The following FAM20C variants were observed in gnomAD, a reference collection of about 807,000 sequenced individuals.
FAM20C encodes the protein FAM20C golgi associated secretory pathway kinase, also known as extracellular serine/threonine protein kinase FAM20C.
Under a neutral mutation model 51.5 loss-of-function variants are expected in FAM20C, and 40 were observed. That is an observed-to-expected ratio of 0.78 (90% CI 0.60 to 1.01). The LOEUF (loss-of-function observed/expected upper bound fraction) is 1.01. Ranked by LOEUF, FAM20C falls within the 50% of genes least tolerant of loss-of-function variation. FAM20C has a pLI of 0.00. For missense variants in FAM20C, 861 were observed against 844.7 expected (o/e 1.02, Z -0.24); for synonymous variants, 406 against 380.6 (o/e 1.07, Z -0.78).
intron 9 of FAM20C, 62 bp downstream of exon 9, chr7:258,767 G>C (rs923069771): frequency 1.4e-6 from 2 of 1,454,396 alleles, no homozygotes; most frequent in Non-Finnish European, 1.8e-6. Context: ...AGGAGACAGA[G>C]GAGGCCACAG....
intron 3 of FAM20C, among the ~76,000 whole-genome samples, chr7:233,484 C>A (rs1416936401): frequency 1.3e-5 from 2 of 152,182 alleles, no homozygotes; most frequent in African/African-American, 2.4e-5. Context: ...CACAAGCATC[C>A]TCTTCCCAGC....
intron 3 of FAM20C, chr7:228,881 C>A: frequency 2.2e-6 from 1 of 445,066 alleles, no homozygotes; most frequent in South Asian, 1.6e-5. Context: ...GGGTCCCACG[C>A]TGGGGATTCC....
intron 2 of FAM20C, among the ~76,000 whole-genome samples, chr7:208,461 C>T (rs1199089500): frequency 7.1e-6 from 1 of 140,644 alleles, no homozygotes; most frequent in Admixed American, 7.4e-5. Context: ...CCTGGCCGTC[C>T]CTTCTAGGAG....
intron 3 of FAM20C, among the ~76,000 whole-genome samples, chr7:212,515 C>T (rs1452484017): frequency 6.6e-6 from 1 of 152,180 alleles, no homozygotes; most frequent in Non-Finnish European, 1.5e-5. Flanking sequence ...CTCATCACGG[C>T]TCGGTGAGTT....
intron 3 of FAM20C, among the ~76,000 whole-genome samples, chr7:241,164 CTGGGGTCA>C (rs1787935978): frequency 6.6e-6 from 1 of 151,622 alleles, no homozygotes; most frequent in African/African-American, 2.4e-5. Context: ...CTTCCTCCTG[CTGGGGTCA>C]CCTGGGTCTG....
intron 3 of FAM20C, among the ~76,000 whole-genome samples, chr7:214,249 C>A (rs558522247): frequency 6.6e-6 from 1 of 151,704 alleles, no homozygotes; most frequent in African/African-American, 2.4e-5. Flanking sequence ...CGCTTGAACC[C>A]GGGAGGCGGA....
intron 3 of FAM20C, among the ~76,000 whole-genome samples, chr7:219,286 A>C (rs907126297): frequency 1.9e-4 from 29 of 152,006 alleles, no homozygotes; most frequent in Non-Finnish European, 3.7e-4. Context: ...CCCACCGTGA[A>C]TGTGCACAGT....
At chr7:250,071 G>A (rs1167027089) in intron 5 of FAM20C, among the ~76,000 whole-genome samples, 2 of 152,176 alleles carry the variant, frequency 1.3e-5, no homozygotes, top group African/African-American at 4.8e-5. Context: ...CCACTCTCCT[G>A]GCCCATCTGT....
intron 2 of FAM20C, among the ~76,000 whole-genome samples, chr7:204,928 C>T (rs962317407): frequency 5.9e-5 from 9 of 152,112 alleles, no homozygotes; most frequent in South Asian, 2.1e-4. Context: ...GGGGAGGGGA[C>T]GTGGCACTCT....
chr7:193,569 C>T lies in FAM20C; in HGVS notation c.370C>T (p.Arg124Trp), dbSNP rs1289342405. Residue 124 changes from arginine to tryptophan, a missense_variant, in exon 1 of 10, where the codon CGG (arginine) becomes TGG (tryptophan). Transcript: ENST00000313766. Reference protein sequence around the residue: ...AEPAERALRGRDPGALRPHDP... With the variant: ...AEPAERALRGWDPGALRPHDP... ...GCCGGCCGAGCGCGCCTTGCGGGGGCGGGATCCCGGCGCCCTAAGACCCCA... is the reference window on the plus strand; with the variant it reads ...GCCGGCCGAGCGCGCCTTGCGGGGGTGGGATCCCGGCGCCCTAAGACCCCA... The T allele has an allele frequency of 2.0e-6, 3 of 1,498,936 alleles. No homozygotes were observed. The highest frequency in any genetic ancestry group is 4.4e-5 in the Admixed American group (2 of 45,722). 92.9% of individuals were successfully genotyped at this position (1,498,936 alleles called of 1,614,324 possible).
At chr7:202,785 G>C (rs984948621) in intron 2 of FAM20C, among the ~76,000 whole-genome samples, 2 of 151,456 alleles carry the variant, frequency 1.3e-5, no homozygotes, top group Admixed American at 1.3e-4. Flanking sequence ...GAGAATGGGT[G>C]GCTGCTGGGT....
In FAM20C at chr7:257,046, G is replaced by C. The variant is rs1480298527; in HGVS notation, c.1405G>C (p.Gly469Arg). 5 of 1,537,010 alleles carry C rather than the reference G, an allele frequency of 3.3e-6. No homozygotes were observed. The highest frequency in any genetic ancestry group is 3.5e-6 in the Non-Finnish European group (4 of 1,146,898). ...CCACTACGAGACTTTTGAGAAGTTT[G>C]GGAATGAAACGTTCATCATCCACTT... ...RHHYETFEKF[G>R]NETFIIHLDN... The change falls in exon 8 of 10, where the codon GGG becomes CGG. Residue 469 changes from glycine to arginine, a missense_variant. This residue lies in a region of FAM20C where 269 missense variants were observed against 283.8 expected (regional missense o/e 0.95). Transcript: ENST00000313766.
intron 8 of FAM20C, among the ~76,000 whole-genome samples, chr7:258,132 G>C (rs1347434347): frequency 8.1e-6 from 1 of 123,806 alleles, no homozygotes; most frequent in African/African-American, 3.1e-5. Context: ...AGGCGGGGTG[G>C]ACCCACTGAC....
At chr7:199,442 G>A (rs1018445150) in intron 2 of FAM20C, among the ~76,000 whole-genome samples, 13 of 152,256 alleles carry the variant, frequency 8.5e-5, no homozygotes, top group Admixed American at 6.5e-4. Context: ...TAGCACCTGC[G>A]TGCTCCAGGC....
At chr7:200,547 C>T (rs1337704034) in intron 2 of FAM20C, among the ~76,000 whole-genome samples, 1 of 152,246 alleles carries the variant, frequency 6.6e-6, no homozygotes, top group Non-Finnish European at 1.5e-5. Context: ...GAGACAGCAG[C>T]CCCCTAGCTG....
chr7:253,148 C>T (rs1264864558), intron 5 of FAM20C, among the ~76,000 whole-genome samples: 3 of 152,206 alleles, frequency 2.0e-5, no homozygotes, highest in East Asian at 3.9e-4. Flanking sequence ...GCAGGAGACA[C>T]GTTTCCAGCG....
At chr7:237,348 C>T (rs1371947015) in intron 3 of FAM20C, among the ~76,000 whole-genome samples, 6 of 152,224 alleles carry the variant, frequency 3.9e-5, no homozygotes, top group African/African-American at 1.4e-4. Context: ...GATAGAAAAG[C>T]TCACATTTTA....
In FAM20C at chr7:193,577, C is replaced by T. The variant is rs1562357189; in HGVS notation, c.378C>T (p.Pro126=). 8 of 1,501,172 alleles carry T rather than the reference C, an allele frequency of 5.3e-6. No homozygotes were observed. The highest frequency in any genetic ancestry group is 5.1e-5 in the South Asian group (4 of 78,928). The allele number at this position is 1,501,172 out of a possible 1,614,324, so 93.0% of individuals were successfully genotyped here. ...PAERALRGRD[P]GALRPHDPAH... is the part of the protein sequence containing the mutation. ...AGCGCGCCTTGCGGGGGCGGGATCC[C>T]GGCGCCCTAAGACCCCACGACCCCG... is the stretch of plus-strand genomic sequence containing the variant. Residue 126 remains proline (P), a synonymous_variant, in exon 1 of 10, where the codon CCC becomes CCT. Transcript: ENST00000313766.
chr7:217,131 C>T (rs552110256), intron 3 of FAM20C, among the ~76,000 whole-genome samples: 6 of 152,134 alleles, frequency 3.9e-5, no homozygotes, highest in Non-Finnish European at 5.9e-5. Flanking sequence ...AGCGGCCCCC[C>T]AGGGGTGAGC....
Sources: gnomAD v4.1 joint callset for allele counts (sites outside exome capture counted in the v4.1 genomes callset) on GRCh38, gnomAD v4.1.1 for gene constraint, gnomAD v4.1.1 regional missense constraint, MANE v1.5 for transcripts, NCBI Gene and HGNC (gene_info 2026-07-23, HGNC 2026-07-21) for gene names.